Variants in GLIS3 observed in about 807,000 individuals in gnomAD.
GLIS3 encodes GLIS family zinc finger 3.
In GLIS3, 53 loss-of-function variants were observed where a neutral mutation model predicts 78.6. The ratio of observed to expected loss-of-function variants is 0.67; its 90% CI spans 0.54 to 0.85. The LOEUF (loss-of-function observed/expected upper bound fraction) is 0.85. Ranked by LOEUF, GLIS3 falls within the 40% of genes least tolerant of loss-of-function variation. GLIS3 has a pLI of 0.00. For synonymous variants in GLIS3, 684 were observed against 509.9 expected, an observed-to-expected ratio of 1.34 and a Z score of -4.60; for missense variants, 1,703 against 1,231.1, an observed-to-expected ratio of 1.38 and a Z score of -5.74.
chr9:4,262,124 T>C (rs961181707), intron 2 of GLIS3, among the ~76,000 whole-genome samples: 1 of 152,028 alleles, frequency 6.6e-6, no homozygotes, highest in African/African-American at 2.4e-5. Flanking sequence ...ACTATGTGAC[T>C]GAAGAGTGCT....
the GLIS3 span, among the ~76,000 whole-genome samples, chr9:4,380,298 A>G: frequency 4.0e-4 from 61 of 152,324 alleles, 1 homozygote; most frequent in African/African-American, 1.4e-3. Flanking sequence ...ATCTTCTATT[A>G]TATGTAATAA....
At chr9:3,922,295 A>G (rs1824942995) in intron 6 of GLIS3, among the ~76,000 whole-genome samples, 1 of 142,610 alleles carries the variant, frequency 7.0e-6, no homozygotes. Flanking sequence ...GGGACCCATA[A>G]TATGATTGCA....
chr9:4,290,661 C>A (rs553463053), intron 1 of GLIS3, among the ~76,000 whole-genome samples: 3 of 152,210 alleles, frequency 2.0e-5, no homozygotes, highest in Non-Finnish European at 4.4e-5. Context: ...TTTAAATAAG[C>A]AGAATGTCCC....
chr9:4,268,875 C>A (rs1826248434), intron 2 of GLIS3, among the ~76,000 whole-genome samples: 1 of 152,186 alleles, frequency 6.6e-6, no homozygotes, highest in Admixed American at 6.5e-5. Flanking sequence ...CCTTTCGATC[C>A]TCCAGCACTA....
intron 2 of GLIS3, among the ~76,000 whole-genome samples, chr9:4,342,559 A>G (rs1238538321): frequency 6.6e-6 from 1 of 152,160 alleles, no homozygotes. Flanking sequence ...TTTTGCTTAG[A>G]ATTGCTGTGG....
At chr9:3,924,606 C>T (rs1430860697) in intron 6 of GLIS3, among the ~76,000 whole-genome samples, 1 of 152,150 alleles carries the variant, frequency 6.6e-6, no homozygotes, top group Admixed American at 6.5e-5. Flanking sequence ...AGCCAAGATA[C>T]AAACAAATGG....
chr9:4,017,464 G>A (rs145073177), intron 4 of GLIS3, among the ~76,000 whole-genome samples: 5 of 152,254 alleles, frequency 3.3e-5, no homozygotes, highest in African/African-American at 4.8e-5. Context: ...ATGAGCGCGC[G>A]TAATACAAGG....
At chr9:4,155,320 G>T (rs977472153) in intron 2 of GLIS3, among the ~76,000 whole-genome samples, 1 of 152,294 alleles carries the variant, frequency 6.6e-6, no homozygotes, top group South Asian at 2.1e-4. Flanking sequence ...TGCAGCAAAT[G>T]ACATCAGCAG....
At chr9:4,362,223 A>T in the GLIS3 span, among the ~76,000 whole-genome samples, 1 of 152,102 alleles carries the variant, frequency 6.6e-6, no homozygotes, top group Admixed American at 6.5e-5. Context: ...TTTTAAATGC[A>T]TTTTTGCTAT....
At chr9:4,068,397 G>T (rs1037756051) in intron 4 of GLIS3, among the ~76,000 whole-genome samples, 1 of 151,958 alleles carries the variant, frequency 6.6e-6, no homozygotes, top group African/African-American at 2.4e-5. Flanking sequence ...AAATTAATCT[G>T]AATGAAAAAA....
the GLIS3 span, among the ~76,000 whole-genome samples, chr9:4,474,420 A>G: frequency 1.3e-5 from 2 of 152,222 alleles, no homozygotes; most frequent in Non-Finnish European, 2.9e-5. Flanking sequence ...AGACGCACAC[A>G]TATACATATG....
chr9:4,041,251 G>C (rs1331020162), intron 4 of GLIS3, among the ~76,000 whole-genome samples: 1 of 152,186 alleles, frequency 6.6e-6, no homozygotes, highest in Non-Finnish European at 1.5e-5. Context: ...ACAAGGGGGT[G>C]GGAGTGGAAG....
chr9:4,349,867 A>C (rs1817942037), upstream of GLIS3, among the ~76,000 whole-genome samples: 1 of 152,232 alleles, frequency 6.6e-6, no homozygotes, highest in South Asian at 2.1e-4. Flanking sequence ...ATTAGCCTTC[A>C]GTTTATCTGG....
chr9:4,196,397 G>T (rs1333975248), intron 2 of GLIS3, among the ~76,000 whole-genome samples: 2 of 152,330 alleles, frequency 1.3e-5, no homozygotes, highest in East Asian at 3.9e-4. Flanking sequence ...AACCGGCTCA[G>T]GTCCCTTTCC....
chr9:3,846,051 T>C (rs563837710), intron 9 of GLIS3, among the ~76,000 whole-genome samples: 4 of 152,336 alleles, frequency 2.6e-5, no homozygotes, highest in Non-Finnish European at 5.9e-5. Context: ...TTCACTACAC[T>C]GCCTGACACA....
At chr9:4,293,288 G>A (rs967069591) in intron 1 of GLIS3, among the ~76,000 whole-genome samples, 3 of 152,082 alleles carry the variant, frequency 2.0e-5, no homozygotes, top group Non-Finnish European at 4.4e-5. Flanking sequence ...CAAATATTCA[G>A]GCATCTTATT....
intron 2 of GLIS3, among the ~76,000 whole-genome samples, chr9:4,328,545 T>A (rs10974468): frequency 4.0e-5 from 6 of 151,798 alleles, no homozygotes; most frequent in Admixed American, 2.0e-4. Context: ...AAAGGGGAAA[T>A]CTAGAGGGGC....
chr9:4,286,515 G>C lies in GLIS3; in HGVS notation c.-90C>G. ...GTCCAATAAGTTATCCATGGTGTGG[G>C]TTATAAGCCTGTTTAAAAAAATAAA... On this transcript the variant is annotated 5_prime_UTR_variant, in exon 2 of 11. Coordinates refer to ENST00000381971, the MANE Select transcript of GLIS3 (RefSeq NM_001042413.2). 2 of 1,468,694 alleles carry C rather than the reference G, an allele frequency of 1.4e-6. No individual in the cohort carries two copies. The highest frequency in any genetic ancestry group is 1.9e-6 in the Non-Finnish European group (2 of 1,063,494). The allele number at this position is 1,468,694 out of a possible 1,614,324, so 91.0% of individuals were successfully genotyped here.
intron 4 of GLIS3, among the ~76,000 whole-genome samples, chr9:4,000,142 C>A (rs1400964374): frequency 6.6e-6 from 1 of 152,016 alleles, no homozygotes; most frequent in Non-Finnish European, 1.5e-5. Context: ...TATTCCAAAG[C>A]TGTAAAAAAT....
Sources: gnomAD v4.1 joint callset for allele counts (sites outside exome capture counted in the v4.1 genomes callset) on GRCh38, gnomAD v4.1.1 for gene constraint, MANE v1.5 for transcripts, NCBI Gene and HGNC (gene_info 2026-07-23, HGNC 2026-07-21) for gene names.